MECOM: variants seen among roughly 807,000 people sequenced by gnomAD.
MECOM encodes the protein histone-lysine N-methyltransferase MECOM.
In MECOM, 13 loss-of-function variants were observed where a neutral mutation model predicts 116.3. The observed-to-expected ratio is 0.11, with a 90% CI of 0.07 to 0.18. MECOM has a LOEUF of 0.18. Ranked by LOEUF, MECOM falls within the 10% of genes least tolerant of loss-of-function variation. The probability of loss-of-function intolerance (pLI) is 1.00; values close to 1 mark genes in which losing one functional copy is unlikely to be tolerated. For synonymous variants in MECOM, 528 were observed against 535.2 expected (o/e 0.99, Z 0.19); for missense variants, 1,299 against 1,509.0 (o/e 0.86, Z 2.31).
chr3:169,249,845 G>A (rs1756034097), intron 2 of MECOM, among the ~76,000 whole-genome samples: 1 of 152,164 alleles, frequency 6.6e-6, no homozygotes, highest in Admixed American at 6.5e-5. Context: ...GAATTAAGAT[G>A]AACCAACCAA....
At chr3:169,195,915 C>G (rs1349951424) in intron 2 of MECOM, among the ~76,000 whole-genome samples, 1 of 152,058 alleles carries the variant, frequency 6.6e-6, no homozygotes, top group Non-Finnish European at 1.5e-5. Flanking sequence ...CAGCTTTGTT[C>G]TGTCACAGAT....
rs772942574 is a variant in MECOM at position 169,089,187 on chromosome 3, A to C, written c.3402-4T>G. 3 of 1,491,872 alleles carry C rather than the reference A, an allele frequency of 2.0e-6. No homozygotes were observed. Among genetic ancestry groups the C allele is most frequent in the Non-Finnish European group, 1.8e-6 (2 of 1,122,488 alleles). 92.4% of individuals were successfully genotyped at this position (1,491,872 alleles called of 1,614,324 possible). ...TTTATATTCTTCCTCTTTATACCTA[A>C]AATGAACCAACGAAAAACACAGAAA... is the stretch of plus-strand genomic sequence containing the variant. On this transcript the variant is annotated splice_polypyrimidine_tract_variant and splice_region_variant and intron_variant, in intron 15 of 16. Coordinates refer to ENST00000651503, the MANE Select transcript of MECOM (RefSeq NM_004991.4).
chr3:169,580,744 T>C (rs1344679536), intron 1 of MECOM, among the ~76,000 whole-genome samples: 3 of 152,206 alleles, frequency 2.0e-5, no homozygotes. Context: ...TTGCCCCAAA[T>C]GACTTGTAAA....
rs191659598 is a variant in MECOM at position 169,301,600 on chromosome 3, C to T, written c.375+79587G>A. The stretch of plus-strand genomic sequence containing the variant: ...CAGAATAATGGTTTGCAGGTGTGAA[C>T]ATTATTCATATTTTAAACTAAATTA... On this transcript the variant is annotated intron_variant, in intron 2 of 16. Coordinates refer to ENST00000651503, the MANE Select transcript of MECOM (RefSeq NM_004991.4). 5.0e-3 allele frequency among the ~76,000 whole-genome samples: 759 copies of T among 152,260 alleles called. 5 individuals are homozygous for T. The highest frequency in any genetic ancestry group is 0.017 in the African/African-American group (719 of 41,552).
chr3:169,220,139 T>C (rs1461517568), intron 2 of MECOM, among the ~76,000 whole-genome samples: 2 of 151,752 alleles, frequency 1.3e-5, no homozygotes, highest in Admixed American at 6.6e-5. Context: ...TGAGTCTGGG[T>C]AATACAATGA....
intron 1 of MECOM, among the ~76,000 whole-genome samples, chr3:169,576,092 C>A (rs1012673036): frequency 6.6e-6 from 1 of 152,122 alleles, no homozygotes; most frequent in Non-Finnish European, 1.5e-5. Flanking sequence ...GCTGACAGAG[C>A]CACATCATAT....
chr3:169,466,468 T>G (rs1436530844), intron 1 of MECOM, among the ~76,000 whole-genome samples: 1 of 152,204 alleles, frequency 6.6e-6, no homozygotes, highest in Non-Finnish European at 1.5e-5. Context: ...TGGTCCATTC[T>G]CTTTAAAAGT....
chr3:169,152,549 C>T (rs1165862833), intron 2 of MECOM, among the ~76,000 whole-genome samples: 1 of 152,144 alleles, frequency 6.6e-6, no homozygotes, highest in Non-Finnish European at 1.5e-5. Flanking sequence ...AGGAGTAGTC[C>T]AGCACGCTTC....
chr3:169,506,238 AG>A (rs1327507782), intron 1 of MECOM, among the ~76,000 whole-genome samples: 6 of 152,354 alleles, frequency 3.9e-5, no homozygotes, highest in African/African-American at 1.4e-4. Flanking sequence ...AGAAATCTTC[AG>A]ATGTCCAATT....
intron 1 of MECOM, among the ~76,000 whole-genome samples, chr3:169,453,642 A>G (rs1264393713): frequency 6.6e-6 from 1 of 152,140 alleles, no homozygotes; most frequent in African/African-American, 2.4e-5. Context: ...GGCACTTCAT[A>G]TTATTAAGGA....
At chr3:169,594,174 A>AAAAAAACC (rs1255613781) in intron 1 of MECOM, among the ~76,000 whole-genome samples, 2 of 125,966 alleles carry the variant, frequency 1.6e-5, no homozygotes, top group African/African-American at 6.4e-5. Context: ...AAAAAAAAAA[A>AAAAAAACC]AACACCTTTT....
At chr3:169,192,743 T>C (rs1389072063) in intron 2 of MECOM, among the ~76,000 whole-genome samples, 1 of 152,048 alleles carries the variant, frequency 6.6e-6, no homozygotes, top group Non-Finnish European at 1.5e-5. Flanking sequence ...AGTGTGACTA[T>C]CCACTTTGCA....
At chr3:169,628,005 C>T (rs149882921) in intron 1 of MECOM, among the ~76,000 whole-genome samples, 51 of 152,254 alleles carry the variant, frequency 3.3e-4, no homozygotes, top group African/African-American at 1.2e-3. Flanking sequence ...TGAGATGCAC[C>T]GACTATTTTG....
At chr3:169,145,189 C>CAG (rs796834184) in intron 2 of MECOM, 69 of 103,024 alleles carry the variant, frequency 6.7e-4, no homozygotes, top group Non-Finnish European at 8.4e-4. Context: ...CACACACACA[C>CAG]AGAGAGAAAT....
chr3:169,603,535 C>T (rs1206242731), intron 1 of MECOM, among the ~76,000 whole-genome samples: 2 of 152,188 alleles, frequency 1.3e-5, no homozygotes, highest in East Asian at 1.9e-4. Flanking sequence ...ATTCACTCAC[C>T]ATTCATGCAC....
intron 2 of MECOM, among the ~76,000 whole-genome samples, chr3:169,230,616 T>A (rs1359555519): frequency 6.6e-6 from 1 of 152,158 alleles, no homozygotes; most frequent in Non-Finnish European, 1.5e-5. Context: ...TTTTCTGAAA[T>A]GGTTTAATTC....
At chr3:169,487,681 A>G (rs1752568610) in intron 1 of MECOM, among the ~76,000 whole-genome samples, 1 of 151,974 alleles carries the variant, frequency 6.6e-6, no homozygotes. Flanking sequence ...ACAGATCTCT[A>G]ATCACAATAG....
intron 9 of MECOM, among the ~76,000 whole-genome samples, chr3:169,111,675 T>C (rs558672413): frequency 1.3e-5 from 2 of 152,236 alleles, no homozygotes; most frequent in African/African-American, 4.8e-5. Flanking sequence ...TATTATCTCA[T>C]TTTGAAAGGG....
At chr3:169,183,493 C>T (rs28430851) in intron 2 of MECOM, among the ~76,000 whole-genome samples, 13,150 of 152,074 alleles carry the variant, frequency 0.086, 634 homozygotes, top group South Asian at 0.2. Context: ...GATCAACCAT[C>T]CTAAATACCT....
Sources: gnomAD v4.1 joint callset for allele counts (sites outside exome capture counted in the v4.1 genomes callset) on GRCh38, gnomAD v4.1.1 for gene constraint, MANE v1.5 for transcripts, NCBI Gene and HGNC (gene_info 2026-07-23, HGNC 2026-07-21) for gene names.